Variants in ZNF468 observed in about 807,000 individuals in gnomAD.
ZNF468 encodes the protein zinc finger protein ZNF468.
In ZNF468, 8 loss-of-function variants were observed where a neutral mutation model predicts 7.2. The observed-to-expected ratio is 1.11, with a 90% CI of 0.65 to 2.01. The LOEUF (loss-of-function observed/expected upper bound fraction) is 2.01, where lower values mean the gene tolerates loss of function less well. Among genes scored for constraint, ZNF468 ranks in the 30% most tolerant of loss-of-function variants. ZNF468 has a pLI of 0.00. For synonymous variants in ZNF468, 218 were observed against 214.4 expected (o/e 1.02, Z -0.15); for missense variants, 608 against 626.5 (o/e 0.97, Z 0.31).
chr19:52,849,248 GGGA>G (rs767428233), intron 2 of ZNF468, 35 bp from the exon 3 acceptor site: 56 of 1,612,878 alleles, frequency 3.5e-5, no homozygotes, highest in African/African-American at 3.2e-4. Context: ...AAATGGTTAT[GGGA>G]GGAGATCTTA....
At position 52,847,285 on chromosome 19, in the gene ZNF468, T is replaced by C. The variant is rs184403841; in HGVS notation, c.142+1802A>G. On this transcript the variant is annotated intron_variant, in intron 3 of 3. Coordinates refer to ENST00000595646, the MANE Select transcript of ZNF468 (RefSeq NM_001008801.2). ...GTTAACAATATGTTTGCAGGCAGTA[T>C]GCTTGGTAAAAGTCATGCCATTCTC... 5.7e-4 allele frequency among the ~76,000 whole-genome samples: 87 copies of C among 152,072 alleles called. No individual in the cohort carries two copies. In the East Asian group the frequency reaches 5.8e-3, roughly 10 times the overall value.
chr19:52,854,246 A>T lies in ZNF468; in HGVS notation c.15+12T>A. The T allele has an allele frequency of 6.2e-7, 1 of 1,613,798 alleles. No individual in the cohort carries two copies. Among genetic ancestry groups the T allele is most frequent in the Non-Finnish European group, 8.5e-7 (1 of 1,179,828 alleles). The stretch of plus-strand genomic sequence containing the variant: ...AAGGAGACAGAACAATCCACCGAGG[A>T]TATCATCTCACCTGAGGAAGAGCCA... On this transcript the variant is annotated intron_variant, in intron 2 of 3. Coordinates refer to ENST00000595646, the MANE Select transcript of ZNF468 (RefSeq NM_001008801.2).
chr19:52,848,869 T>C (rs780068923), intron 3 of ZNF468, among the ~76,000 whole-genome samples: 16 of 152,096 alleles, frequency 1.1e-4, no homozygotes, highest in Non-Finnish European at 1.6e-4. Flanking sequence ...GGTTTTATGC[T>C]TACTTTACTT....
intron 2 of ZNF468, among the ~76,000 whole-genome samples, chr19:52,853,309 G>C (rs1017278217): frequency 2.0e-5 from 3 of 152,098 alleles, no homozygotes; most frequent in Non-Finnish European, 4.4e-5. Flanking sequence ...ATGGCCAAGG[G>C]TCTAAGCTGC....
In ZNF468 at chr19:52,842,235, A is replaced by C. The variant is rs1384701764; in HGVS notation, c.143-84T>G. On this transcript the variant is annotated intron_variant, in intron 3 of 3. Coordinates refer to ENST00000595646, the MANE Select transcript of ZNF468 (RefSeq NM_001008801.2). ...AATGTGTAAATATCACAGAAAAAAA[A>C]CAATACTTATTTTCAACTTCCCAAA... 39 of 1,228,478 alleles carry C rather than the reference A, an allele frequency of 3.2e-5. No individual in the cohort carries two copies. The East Asian group carries it at 8.0e-4, about 25-fold the overall frequency. 76.1% of individuals were successfully genotyped at this position (1,228,478 alleles called of 1,614,324 possible). A position where few individuals can be genotyped will look rare whatever the true frequency, so the allele number is the denominator to read the frequency against.
rs1210394388 is a variant in ZNF468, at chr19:52,842,039, A to G, written c.255T>C (p.Phe85=). 6.2e-6 allele frequency: 10 copies of G among 1,613,920 alleles called. No individual in the cohort carries two copies. Among genetic ancestry groups the G allele is most frequent in the Admixed American group, 3.3e-5 (2 of 59,990 alleles). ...HRQASHHIGE[F]CFHEIEKDIH... is the part of the protein sequence containing the mutation. ...TGTCTTTCTCAATTTCATGGAAACA[A>G]AATTCTCCAATGTGATGACTTGCTT... Residue 85 remains phenylalanine, a synonymous_variant, in exon 4 of 4, where the codon TTT becomes TTC. Transcript: ENST00000595646.
chr19:52,854,621 CTG>C (rs2063420677), intron 1 of ZNF468, among the ~76,000 whole-genome samples: 1 of 152,124 alleles, frequency 6.6e-6, no homozygotes, highest in East Asian at 1.9e-4. Flanking sequence ...TGGTACGCAT[CTG>C]TGTGTCTGTG....
chr19:52,843,647 ACAAG>A (rs778054769), intron 3 of ZNF468, among the ~76,000 whole-genome samples: 28 of 152,172 alleles, frequency 1.8e-4, no homozygotes, highest in Non-Finnish European at 3.5e-4. Flanking sequence ...CCATGATAAA[ACAAG>A]CAAGAAAATA....
rs895730629 is a variant in ZNF468, at chr19:52,838,894, T to C, written c.*1831A>G. 5.3e-5 allele frequency: 8 copies of C among 152,154 alleles called. No individual in the cohort carries two copies. Among genetic ancestry groups the C allele is most frequent in the African/African-American group, 1.7e-4 (7 of 41,422 alleles). The allele number at this position is 152,154 out of a possible 1,614,324, so 9.4% of individuals were successfully genotyped here. On this transcript the variant is annotated 3_prime_UTR_variant, in exon 4 of 4. Transcript: ENST00000595646. ...AAAAATGAATATCGCTCAATGATTA[T>C]ATACTCAATTGTGATTTAGATTCGG... is the stretch of plus-strand genomic sequence containing the variant.
rs1335335557 is a variant in ZNF468, at chr19:52,841,902, G to C, written c.392C>G (p.Ala131Gly). The change falls in exon 4 of 4, where the codon GCT becomes GGT. Residue 131 changes from alanine (A) to glycine (G), a missense_variant. Ala to Gly is a moderately conservative substitution (Grantham distance 60). Transcript: ENST00000595646. ...CTGATCTTTAATACGCTTGTTTCCA[G>C]CATGCCTTTGATCATGTTGGCCTGT... is the stretch of plus-strand genomic sequence containing the variant. ...GSTGQHDQRH[A>G]GNKRIKDQLG... 4 of 1,614,066 alleles carry C rather than the reference G, an allele frequency of 2.5e-6. No homozygotes were observed. In the South Asian group the frequency reaches 4.4e-5, roughly 18 times the overall value.
chr19:52,856,532 G>T (rs1173940261), intron 1 of ZNF468, among the ~76,000 whole-genome samples: 24 of 123,132 alleles, frequency 1.9e-4, no homozygotes, highest in African/African-American at 6.1e-4. Context: ...TAACCCCCTG[G>T]ACCCAATCTG....
At chr19:52,844,470 G>C (rs923723929) in intron 3 of ZNF468, among the ~76,000 whole-genome samples, 1 of 151,748 alleles carries the variant, frequency 6.6e-6, no homozygotes, top group Non-Finnish European at 1.5e-5. Context: ...ATCCTTTTTT[G>C]TTTGTTTTTG....
At chr19:52,848,005 G>A (rs567597277) in intron 3 of ZNF468, among the ~76,000 whole-genome samples, 3 of 152,260 alleles carry the variant, frequency 2.0e-5, no homozygotes, top group East Asian at 3.9e-4. Flanking sequence ...CCCACCTGAC[G>A]AGAAATACCC....
In ZNF468 at chr19:52,839,021, G is replaced by A. The variant is rs746734956; in HGVS notation, c.*1704C>T. On this transcript the variant is annotated 3_prime_UTR_variant, in exon 4 of 4. Coordinates refer to ENST00000595646, the MANE Select transcript of ZNF468 (RefSeq NM_001008801.2). ...TAATCTCAGCACTTTGGGAGGTGGA[G>A]TCGGGTGGATCATAAAGTCAGAAGA... is the stretch of plus-strand genomic sequence containing the variant. 3 of 152,214 alleles carry A rather than the reference G, an allele frequency of 2.0e-5. No individual in the cohort carries two copies. Among genetic ancestry groups the A allele is most frequent in the Non-Finnish European group, 2.9e-5 (2 of 68,132 alleles). The allele number at this position is 152,214 out of a possible 1,614,324, so 9.4% of individuals were successfully genotyped here. A position where few individuals can be genotyped will look rare whatever the true frequency, so the allele number is the denominator to read the frequency against.
Position 52,841,133 on chromosome 19 carries a change from C to CTCTTCACATTTGTAA in ZNF468, c.1146_1160dup (p.Glu386_Glu387insAspTyrLysCysGlu). On this transcript the variant is annotated inframe_insertion, in exon 4 of 4. Coordinates refer to ENST00000595646, the MANE Select transcript of ZNF468 (RefSeq NM_001008801.2). ...ATTTGCGACTGAAAACTTTGTCACA[C>CTCTTCACATTTGTAA]TCTTCACATTTGTAAGGTTTCTCTC... 1 of 1,611,702 alleles carries CTCTTCACATTTGTAA rather than the reference C, an allele frequency of 6.2e-7. No homozygotes were observed. The highest frequency in any genetic ancestry group is 8.5e-7 in the Non-Finnish European group (1 of 1,179,292).
chr19:52,841,406 C>G lies in ZNF468; in HGVS notation c.888G>C (p.Glu296Asp). 1 of 1,613,964 alleles carries G rather than the reference C, an allele frequency of 6.2e-7. No homozygotes were observed. Among genetic ancestry groups the G allele is most frequent in the East Asian group, 2.2e-5 (1 of 44,856 alleles). ...CACATTCTTCACATTCATAAGGTTTCTCTCCAGTATGAAGCGCTTTGTGAA... is the reference window on the plus strand; with the variant it reads ...CACATTCTTCACATTCATAAGGTTTGTCTCCAGTATGAAGCGCTTTGTGAA... ...LFIHKALHTG[E>D]KPYECEECDK... The change falls in exon 4 of 4, where the codon GAG (glutamate) becomes GAC (aspartate). Residue 296 changes from glutamate to aspartate, a missense_variant. By Grantham distance (45) the Glu-to-Asp change is conservative. Coordinates refer to ENST00000595646, the MANE Select transcript of ZNF468 (RefSeq NM_001008801.2).
chr19:52,844,300 T>A (rs1199605082), intron 3 of ZNF468, among the ~76,000 whole-genome samples: 2 of 149,470 alleles, frequency 1.3e-5, no homozygotes, highest in East Asian at 1.9e-4. Context: ...CCTGTTCCTC[T>A]TTCCACCGTA....
At chr19:52,856,426 A>T (rs553305238) in intron 1 of ZNF468, among the ~76,000 whole-genome samples, 23 of 149,650 alleles carry the variant, frequency 1.5e-4, no homozygotes, top group African/African-American at 4.1e-4. Flanking sequence ...CCTTCTCCCC[A>T]ATCTTTAGAT....
At position 52,841,749 on chromosome 19, in the gene ZNF468, C is replaced by A. The variant is rs143407197; in HGVS notation, c.545G>T (p.Cys182Phe). The A allele has an allele frequency of 3.7e-6, 6 of 1,613,940 alleles. No individual in the cohort carries two copies. Among genetic ancestry groups the A allele is most frequent in the Middle Eastern group, 1.6e-4 (1 of 6,084 alleles). Residue 182 changes from cysteine to phenylalanine, a missense_variant, in exon 4 of 4, where the codon TGT becomes TTT. Coordinates refer to ENST00000595646, the MANE Select transcript of ZNF468 (RefSeq NM_001008801.2). ...SSVSTSQRIC[C>F]RPKTHISNKY... ...ATTAGAAATATGGGTTTTGGGCCTA[C>A]AACAAATTCTTTGGGATGTTGAAAC...
Sources: gnomAD v4.1 joint callset for allele counts (sites outside exome capture counted in the v4.1 genomes callset) on GRCh38, gnomAD v4.1.1 for gene constraint, MANE v1.5 for transcripts, NCBI Gene and HGNC (gene_info 2026-07-23, HGNC 2026-07-21) for gene names.